CACNA2D2: variants seen among roughly 807,000 people sequenced by gnomAD.
The protein encoded by CACNA2D2 is calcium voltage-gated channel auxiliary subunit alpha2delta 2, also known as voltage-dependent calcium channel subunit alpha-2/delta-2.
A neutral mutation model predicts 166.4 loss-of-function variants in CACNA2D2; 48 were observed. The observed-to-expected ratio is 0.29, with a 90% CI of 0.23 to 0.37. CACNA2D2 has a LOEUF of 0.37. CACNA2D2 is among the 10% of genes least tolerant of loss of function. The pLI, the probability that CACNA2D2 is intolerant of heterozygous loss-of-function variation, is 1.00. For synonymous variants in CACNA2D2, 561 were observed against 573.7 expected (o/e 0.98, Z 0.32); for missense variants, 1,122 against 1,433.0 (o/e 0.78, Z 3.50).
At chr3:50,494,967 C>T (rs949332914) in intron 1 of CACNA2D2, among the ~76,000 whole-genome samples, 1 of 152,212 alleles carries the variant, frequency 6.6e-6, no homozygotes, top group African/African-American at 2.4e-5. Context: ...TCAGCCACTG[C>T]ACCCGGCTGG....
chr3:50,499,693 G>A (rs1283061971), intron 1 of CACNA2D2, among the ~76,000 whole-genome samples: 1 of 152,238 alleles, frequency 6.6e-6, no homozygotes, highest in Non-Finnish European at 1.5e-5. Flanking sequence ...TCCACTTAGA[G>A]GCCAGCTTTA....
intron 1 of CACNA2D2, among the ~76,000 whole-genome samples, chr3:50,489,389 G>A (rs949042185): frequency 6.6e-5 from 10 of 152,312 alleles, no homozygotes; most frequent in African/African-American, 2.2e-4. Flanking sequence ...CTCAGGAACC[G>A]TGTAAATCAC....
At chr3:50,388,618 G>T (rs922031417) in intron 4 of CACNA2D2, among the ~76,000 whole-genome samples, 2 of 152,216 alleles carry the variant, frequency 1.3e-5, no homozygotes, top group African/African-American at 4.8e-5. Flanking sequence ...CACCACCAGC[G>T]CAGATGTCGC....
In CACNA2D2 at chr3:50,442,804, C is replaced by T. The variant is rs528283549; in HGVS notation, c.289-8375G>A. Among the ~76,000 whole-genome samples the T allele has an allele frequency of 1.7e-4, 26 of 152,274 alleles. No individual in the cohort carries two copies. In the South Asian group the frequency reaches 4.2e-3, roughly 24 times the overall value. On this transcript the variant is annotated intron_variant, in intron 2 of 37. Coordinates refer to ENST00000424201, the MANE Select transcript of CACNA2D2 (RefSeq NM_006030.4). Reference sequence around the variant, plus strand: ...TGGGGTAGAGGGAGGAGGGCATGGACCCCACTGGAGGGGCATCTGTTGCCT... The same window carrying T: ...TGGGGTAGAGGGAGGAGGGCATGGATCCCACTGGAGGGGCATCTGTTGCCT...
rs1433946443 is a variant in CACNA2D2, at chr3:50,427,087, C to T, written c.405+7226G>A. On this transcript the variant is annotated intron_variant, in intron 3 of 37. Transcript: ENST00000424201. This position sits in a 1 kb window ranked among gnomAD's most constrained non-coding sequence, Gnocchi z 4.7. ...GTCTTTGCCCAAGGCTCACGCTGAC[C>T]CCAGGGACACTTGGGTTTACCGTCC... is the stretch of plus-strand genomic sequence containing the variant. 6.6e-6 allele frequency among the ~76,000 whole-genome samples: 1 copy of T among 152,148 alleles called. No individual in the cohort carries two copies. Among genetic ancestry groups the T allele is most frequent in the African/African-American group, 2.4e-5 (1 of 41,430 alleles).
In CACNA2D2 at chr3:50,379,516, G is replaced by C; in HGVS notation, c.1068C>G (p.Phe356Leu). 1 of 1,613,960 alleles carries C rather than the reference G, an allele frequency of 6.2e-7. No individual in the cohort carries two copies. Among genetic ancestry groups the C allele is most frequent in the East Asian group, 2.2e-5 (1 of 44,880 alleles). Reference sequence around the variant, plus strand: ...CCACCATGCCCTGCACAGCTTCCTTGAACACCTTCTTGTTGCGCACATTGG... The same window carrying C: ...CCACCATGCCCTGCACAGCTTCCTTCAACACCTTCTTGTTGCGCACATTGG... The part of the protein sequence containing the change: ...VQANVRNKKV[F>L]KEAVQGMVAK... Residue 356 changes from phenylalanine (F) to leucine (L), a missense_variant, in exon 11 of 38, where the codon TTC becomes TTG. Around this residue, in one of 2 missense-constraint regions of CACNA2D2, gnomAD observed 840 missense variants for 1,166.8 expected, o/e 0.72. Coordinates refer to ENST00000424201, the MANE Select transcript of CACNA2D2 (RefSeq NM_006030.4). The surrounding 1 kb of genome is among the most constrained non-coding windows in gnomAD (Gnocchi z 6.5).
In CACNA2D2 at chr3:50,413,574, T is replaced by C. The variant is rs1441423769; in HGVS notation, c.406-19406A>G. Among the ~76,000 whole-genome samples the C allele has an allele frequency of 2.6e-5, 4 of 152,112 alleles. No individual in the cohort carries two copies. In the East Asian group the frequency reaches 7.7e-4, roughly 29 times the overall value. Reference sequence around the variant, plus strand: ...TTGAGGTCCCTAGGCTGGCTGAGCATGGTGGCTCACCCCTGTAATCCCAGC... The same window carrying C: ...TTGAGGTCCCTAGGCTGGCTGAGCACGGTGGCTCACCCCTGTAATCCCAGC... On this transcript the variant is annotated intron_variant, in intron 3 of 37. Coordinates refer to ENST00000424201, the MANE Select transcript of CACNA2D2 (RefSeq NM_006030.4).
chr3:50,471,069 G>GC (rs772290195), intron 2 of CACNA2D2, among the ~76,000 whole-genome samples: 4 of 152,106 alleles, frequency 2.6e-5, no homozygotes, highest in Non-Finnish European at 4.4e-5. Context: ...CTTCCCCACT[G>GC]CCCCCCACCC....
chr3:50,395,136 C>T (rs946246929), intron 3 of CACNA2D2, among the ~76,000 whole-genome samples: 85 of 152,214 alleles, frequency 5.6e-4, no homozygotes, highest in African/African-American at 1.9e-3. Context: ...CAGTGATGTC[C>T]TGTCAATCAT....
chr3:50,409,251 G>A (rs1228211744), intron 3 of CACNA2D2, among the ~76,000 whole-genome samples: 1 of 152,252 alleles, frequency 6.6e-6, no homozygotes, highest in Non-Finnish European at 1.5e-5. Flanking sequence ...TTGGGCTCAT[G>A]AGGAAGGGCT....
Position 50,377,491 on chromosome 3 carries a change from G to A in CACNA2D2, c.1602C>T (p.Ile534=). The A allele has an allele frequency of 6.2e-7, 1 of 1,613,176 alleles. No homozygotes were observed. The highest frequency in any genetic ancestry group is 8.5e-7 in the Non-Finnish European group (1 of 1,179,942). ...VMGIDVALND[I]KRLTPNYTLG... ...CCGTGTAGTTGGGGGTCAGCCTCTT[G>A]ATGTCATTCAGAGCCACGTCAATGC... The change falls in exon 17 of 38, where the codon ATC becomes ATT. Residue 534 remains isoleucine, a synonymous_variant. Transcript: ENST00000424201.
intron 24 of CACNA2D2, 110 bp from the exon 25 acceptor site, chr3:50,368,012 T>TGGCCCA: frequency 9.0e-7 from 1 of 1,105,794 alleles, no homozygotes; most frequent in Non-Finnish European, 1.4e-6. Flanking sequence ...GACCTGGCCC[T>TGGCCCA]GGCCCAGGCC....
In CACNA2D2 at chr3:50,477,249, C is replaced by T. The variant is rs756181010; in HGVS notation, c.207-1050G>A. ...CGGCCCACCCTGGGATTGTTTTAAC[C>T]CATTTCCATCTCAGCTTCCTTCTCT... is the stretch of plus-strand genomic sequence containing the variant. On this transcript the variant is annotated intron_variant, in intron 1 of 37. Coordinates refer to ENST00000424201, the MANE Select transcript of CACNA2D2 (RefSeq NM_006030.4). Among the ~76,000 whole-genome samples the T allele has an allele frequency of 5.1e-4, 78 of 152,272 alleles. 1 individual carries two copies. Among genetic ancestry groups the T allele is most frequent in the Non-Finnish European group, 9.6e-4 (65 of 68,034 alleles).
intron 2 of CACNA2D2, among the ~76,000 whole-genome samples, chr3:50,448,013 C>T (rs553194022): frequency 6.6e-6 from 1 of 152,186 alleles, no homozygotes; most frequent in Non-Finnish European, 1.5e-5. Context: ...CCCGTCCCCT[C>T]CATGAACAAA....
intron 1 of CACNA2D2, among the ~76,000 whole-genome samples, chr3:50,480,718 C>A (rs2107111983): frequency 6.9e-6 from 1 of 144,808 alleles, no homozygotes; most frequent in South Asian, 2.3e-4. Context: ...TCATTGAGAC[C>A]CCAGCTAGAA....
chr3:50,368,313 C>T (rs1330202891), intron 23 of CACNA2D2, 78 bp from the exon 24 acceptor site: 1 of 885,818 alleles, frequency 1.1e-6, no homozygotes, highest in East Asian at 2.4e-5. Context: ...CCAACAGGCC[C>T]ACTTGGCCAT....
At chr3:50,503,195 C>G in intron 1 of CACNA2D2, 23 bp downstream of exon 1, 1 of 1,176,906 alleles carries the variant, frequency 8.5e-7, no homozygotes, top group Non-Finnish European at 1.1e-6. Context: ...GCCGGGGTCT[C>G]GCGGCCGGCC....
Position 50,379,985 on chromosome 3 carries a change from C to G in CACNA2D2, c.876G>C (p.Met292Ile). The change falls in exon 9 of 38, where the codon ATG becomes ATC. Residue 292 changes from methionine (M) to isoleucine (I), a missense_variant. By Grantham distance (10) the Met-to-Ile change is conservative. Coordinates refer to ENST00000424201, the MANE Select transcript of CACNA2D2 (RefSeq NM_006030.4). The surrounding 1 kb of genome is among the most constrained non-coding windows in gnomAD (Gnocchi z 6.5). ...TCACTCACACATCCACGATGATGAC[C>G]ATGTCTTTGGGTGACGAGGCCCCCT... ...YIQGASSPKD[M>I]VIIVDVSGSV... is the part of the protein sequence containing the mutation. The G allele has an allele frequency of 6.2e-7, 1 of 1,614,084 alleles. No individual in the cohort carries two copies. Among genetic ancestry groups the G allele is most frequent in the Non-Finnish European group, 8.5e-7 (1 of 1,180,040 alleles).
chr3:50,443,189 GC>G (rs1449799544), intron 2 of CACNA2D2, among the ~76,000 whole-genome samples: 3 of 152,332 alleles, frequency 2.0e-5, no homozygotes, highest in South Asian at 4.1e-4. Context: ...GTCGCCGGGT[GC>G]GGCCGGCTGG....
Sources: gnomAD v4.1 joint callset for allele counts (sites outside exome capture counted in the v4.1 genomes callset) on GRCh38, gnomAD v4.1.1 for gene constraint, gnomAD v4.1.1 regional missense constraint, Gnocchi (gnomAD v3.1) non-coding constraint, MANE v1.5 for transcripts, NCBI Gene and HGNC (gene_info 2026-07-23, HGNC 2026-07-21) for gene names.